CEP126: variants seen among roughly 807,000 people sequenced by gnomAD.
The protein encoded by CEP126 is centrosomal protein 126.
In CEP126, 74 loss-of-function variants were observed where a neutral mutation model predicts 107.8. The ratio of observed to expected loss-of-function variants is 0.69; its 90% CI spans 0.57 to 0.83. The LOEUF (loss-of-function observed/expected upper bound fraction) is 0.83. Among genes scored for constraint, CEP126 ranks in the 40% least tolerant of loss-of-function variants. The pLI is 0.00. For synonymous variants in CEP126, 449 were observed against 446.0 expected (o/e 1.01, Z -0.08); for missense variants, 1,237 against 1,281.9 (o/e 0.96, Z 0.53).
At position 101,963,596 on chromosome 11, in the gene CEP126, A is replaced by C. The variant is rs865906021; in HGVS notation, c.2561A>C (p.Asn854Thr). 5.0e-6 allele frequency: 8 copies of C among 1,614,168 alleles called. No individual in the cohort carries two copies. The Middle Eastern group carries it at 9.9e-4, about 200-fold the overall frequency. The change falls in exon 6 of 11, where the codon AAT (asparagine) becomes ACT (threonine). Residue 854 changes from asparagine to threonine, a missense_variant. Physicochemically the swap from Asn to Thr is moderately conservative, Grantham distance 65. Coordinates refer to ENST00000263468, the MANE Select transcript of CEP126 (RefSeq NM_020802.4). ...LPTEHSLNQW[N>T]QESSSPLSNA... ...ACAGAACACAGTTTGAATCAGTGGA[A>C]TCAGGAAAGTAGTTCTCCACTCTCA...
chr11:101,930,769 C>T (rs945030181), intron 2 of CEP126, among the ~76,000 whole-genome samples: 9 of 152,164 alleles, frequency 5.9e-5, no homozygotes, highest in Non-Finnish European at 1.2e-4. Context: ...TCTCCAAGTC[C>T]CCACCCAACC....
intron 2 of CEP126, among the ~76,000 whole-genome samples, chr11:101,939,962 A>G (rs1244768344): frequency 2.0e-5 from 3 of 152,176 alleles, no homozygotes; most frequent in South Asian, 4.1e-4. Flanking sequence ...CTGAAACATC[A>G]CTAACATAAA....
chr11:101,980,683 G>A (rs763918703), intron 7 of CEP126, among the ~76,000 whole-genome samples: 1 of 152,158 alleles, frequency 6.6e-6, no homozygotes, highest in Non-Finnish European at 1.5e-5. Context: ...TCAGTCACTA[G>A]AACAGTGGCC....
At chr11:101,930,482 C>A (rs936583680) in intron 2 of CEP126, among the ~76,000 whole-genome samples, 1 of 152,162 alleles carries the variant, frequency 6.6e-6, no homozygotes, top group Admixed American at 6.5e-5. Context: ...GTGAGTGTTA[C>A]AGCTCTTAAA....
chr11:101,961,412 A>G (rs955113208), intron 5 of CEP126, among the ~76,000 whole-genome samples: 1 of 152,118 alleles, frequency 6.6e-6, no homozygotes, highest in Admixed American at 6.5e-5. Context: ...CTCACTTTCT[A>G]TTACTAAGCC....
chr11:101,997,864 C>A lies in CEP126; in HGVS notation c.*221C>A, dbSNP rs145146861. ...TGAGAATACCATGAAAGACATTATG[C>A]CTGCCTAAACAAAAAGCAGGACATA... On this transcript the variant is annotated 3_prime_UTR_variant, in exon 11 of 11. Transcript: ENST00000263468. 7.5e-3 allele frequency: 4,069 copies of A among 540,692 alleles called. 17 individuals are homozygous for A. Among genetic ancestry groups the A allele is most frequent in the Non-Finnish European group, 0.011 (3,385 of 309,974 alleles). 33.5% of individuals were successfully genotyped at this position (540,692 alleles called of 1,614,324 possible). A position where few individuals can be genotyped will look rare whatever the true frequency, so the allele number is the denominator to read the frequency against.
intron 6 of CEP126, among the ~76,000 whole-genome samples, chr11:101,973,518 G>A (rs574152104): frequency 6.6e-6 from 1 of 152,246 alleles, no homozygotes; most frequent in Non-Finnish European, 1.5e-5. Flanking sequence ...GTCTTGGAGT[G>A]GGGAGGGGAG....
intron 4 of CEP126, chr11:101,955,932 A>G (rs1163313807): frequency 1.1e-5 from 5 of 456,360 alleles, no homozygotes; most frequent in South Asian, 7.7e-5. Flanking sequence ...CGCCAGCCCC[A>G]TATACTGCCT....
At chr11:101,929,971 G>C (rs1054496280) in intron 2 of CEP126, among the ~76,000 whole-genome samples, 1 of 130,378 alleles carries the variant, frequency 7.7e-6, no homozygotes, top group African/African-American at 2.8e-5. Flanking sequence ...GCTTTAGTTA[G>C]GACTTTTTTT....
intron 4 of CEP126, among the ~76,000 whole-genome samples, chr11:101,954,645 C>CAT (rs1458957954): frequency 2.6e-5 from 4 of 151,100 alleles, no homozygotes; most frequent in Admixed American, 1.3e-4. Flanking sequence ...TTTATATATA[C>CAT]ATATATATAT....
chr11:101,996,085 C>T (rs191947665), intron 10 of CEP126, among the ~76,000 whole-genome samples: 2 of 152,336 alleles, frequency 1.3e-5, no homozygotes, highest in Admixed American at 1.3e-4. Flanking sequence ...CCCAGCAGCT[C>T]ACTCCTCTCC....
rs1361523407 is a variant in CEP126, at chr11:101,998,330, A to G, written c.*687A>G. On this transcript the variant is annotated 3_prime_UTR_variant, in exon 11 of 11. Coordinates refer to ENST00000263468, the MANE Select transcript of CEP126 (RefSeq NM_020802.4). ...GCCAGGGCCGTTGGCTTATGCCTGT[A>G]ATCCCAGCACTTTGCAGGCCGAGGT... The G allele has an allele frequency of 6.6e-6, 1 of 152,164 alleles. No individual in the cohort carries two copies. The highest frequency in any genetic ancestry group is 1.5e-5 in the Non-Finnish European group (1 of 68,030). The allele number at this position is 152,164 out of a possible 1,614,324, so 9.4% of individuals were successfully genotyped here. A position where few individuals can be genotyped will look rare whatever the true frequency, so the allele number is the denominator to read the frequency against.
At chr11:101,919,026 G>A (rs780348100) in intron 1 of CEP126, among the ~76,000 whole-genome samples, 39 of 152,278 alleles carry the variant, frequency 2.6e-4, no homozygotes, top group Non-Finnish European at 3.2e-4. Flanking sequence ...ATTATAGAAT[G>A]GTTTATATAT....
At chr11:101,992,713 T>C (rs1941399435) in intron 9 of CEP126, 65 bp from the exon 10 acceptor site, 2 of 895,026 alleles carry the variant, frequency 2.2e-6, no homozygotes, top group African/African-American at 1.8e-5. Context: ...TTTGATTCTT[T>C]AGTCATTCTT....
chr11:101,954,637 T>G (rs1303839573), intron 4 of CEP126, among the ~76,000 whole-genome samples: 1 of 143,848 alleles, frequency 7.0e-6, no homozygotes. Flanking sequence ...TGTGTATGTT[T>G]ATATATACAT....
intron 2 of CEP126, among the ~76,000 whole-genome samples, chr11:101,931,734 A>G (rs1940503315): frequency 6.6e-6 from 1 of 152,180 alleles, no homozygotes; most frequent in African/African-American, 2.4e-5. Context: ...CACAAAAGGC[A>G]AGTTCTTCAG....
At chr11:101,968,556 A>T (rs2137117419) in intron 6 of CEP126, among the ~76,000 whole-genome samples, 1 of 152,286 alleles carries the variant, frequency 6.6e-6, no homozygotes, top group Non-Finnish European at 1.5e-5. Flanking sequence ...GACCAATGAT[A>T]AATAAAAGGA....
At chr11:101,973,542 A>C (rs1360202056) in intron 6 of CEP126, among the ~76,000 whole-genome samples, 1 of 152,176 alleles carries the variant, frequency 6.6e-6, no homozygotes, top group Non-Finnish European at 1.5e-5. Context: ...ATCAGGACAA[A>C]TAGCTAATGC....
chr11:101,937,719 G>A (rs543477629), intron 2 of CEP126, among the ~76,000 whole-genome samples: 40 of 152,036 alleles, frequency 2.6e-4, no homozygotes, highest in Admixed American at 2.3e-3. Flanking sequence ...TCTTTTAAAC[G>A]TTTGACAAAA....
Sources: allele counts gnomAD v4.1 joint callset (sites outside exome capture counted in the v4.1 genomes callset), GRCh38; gene constraint gnomAD v4.1.1; transcripts MANE v1.5; gene names NCBI Gene and HGNC (gene_info 2026-07-23, HGNC 2026-07-21).